The following DMXL1 variants were observed in gnomAD, a reference collection of about 807,000 sequenced individuals.
DMXL1 encodes the protein dmX-like protein 1.
DMXL1 carries 99 observed loss-of-function variants against 319.2 expected under a neutral mutation model. That is an observed-to-expected ratio of 0.31 (90% CI 0.26 to 0.37). DMXL1 has a LOEUF of 0.37. Among genes scored for constraint, DMXL1 ranks in the 10% least tolerant of loss-of-function variants. The probability of loss-of-function intolerance (pLI) is 1.00; values close to 1 mark genes in which losing one functional copy is unlikely to be tolerated. For missense variants in DMXL1, 3,745 were observed against 3,595.6 expected (o/e 1.04, Z -1.06); for synonymous variants, 1,385 against 1,235.2 (o/e 1.12, Z -2.54).
At chr5:119,145,990 A>G (rs766265855) in intron 15 of DMXL1, among the ~76,000 whole-genome samples, 1 of 151,698 alleles carries the variant, frequency 6.6e-6, no homozygotes, top group Admixed American at 6.6e-5. Flanking sequence ...TAATTTCTGT[A>G]TTTTGGATGC....
intron 34 of DMXL1, among the ~76,000 whole-genome samples, chr5:119,208,891 C>G (rs1224258372): frequency 2.6e-5 from 4 of 152,098 alleles, no homozygotes; most frequent in Non-Finnish European, 1.5e-5. Context: ...CAGGCAGCTA[C>G]CAAACTTTTT....
chr5:119,084,268 C>T (rs568525676), intron 1 of DMXL1, among the ~76,000 whole-genome samples: 1 of 152,110 alleles, frequency 6.6e-6, no homozygotes, highest in South Asian at 2.1e-4. Context: ...TACAGGTGCA[C>T]ACCATCATGC....
intron 7 of DMXL1, among the ~76,000 whole-genome samples, chr5:119,116,879 G>A (rs1760963738): frequency 6.6e-6 from 1 of 152,012 alleles, no homozygotes; most frequent in Non-Finnish European, 1.5e-5. Context: ...AAAGCACACA[G>A]TGACACACAC....
At chr5:119,126,384 A>G (rs186843488) in intron 9 of DMXL1, among the ~76,000 whole-genome samples, 12 of 152,232 alleles carry the variant, frequency 7.9e-5, no homozygotes, top group Admixed American at 3.3e-4. Flanking sequence ...CGTCATAGCA[A>G]TTTATCCTCA....
Position 119,240,454 on chromosome 5 carries a change from C to T in DMXL1, c.8687C>T (p.Ala2896Val), listed in dbSNP as rs547675916. 1 of 1,606,982 alleles carries T rather than the reference C, an allele frequency of 6.2e-7. No individual in the cohort carries two copies. The highest frequency in any genetic ancestry group is 8.5e-7 in the Non-Finnish European group (1 of 1,176,564). Residue 2896 changes from alanine to valine, a missense_variant, in exon 42 of 44, where the codon GCC becomes GTC. This residue lies in a region of DMXL1 where 262 missense variants were observed against 320.5 expected (regional missense o/e 0.82). Transcript: ENST00000539542. ...TTGTGGGATACTCTTGTAGCACCTG[C>T]CAATAGTTTAGTCCATGGTAAGTTT... ...VCLWDTLVAPANSLVHAFTCH... is the reference protein window; with the variant it reads ...VCLWDTLVAPVNSLVHAFTCH...
chr5:119,230,935 G>GA (rs1159755623), intron 38 of DMXL1, among the ~76,000 whole-genome samples: 3 of 152,106 alleles, frequency 2.0e-5, no homozygotes, highest in Non-Finnish European at 2.9e-5. Flanking sequence ...TTGTGTTTCT[G>GA]AAAATGGGAC....
In DMXL1 at chr5:119,221,970, C is replaced by T. The variant is rs17144990; in HGVS notation, c.8277+889C>T. On this transcript the variant is annotated intron_variant, in intron 37 of 43. Transcript: ENST00000539542. ...TACGTAGGTTATAGGAACTAATGAACGGATTTGAAGAAGCAAAGAAAGGTG... is the reference window on the plus strand; with the variant it reads ...TACGTAGGTTATAGGAACTAATGAATGGATTTGAAGAAGCAAAGAAAGGTG... Among the ~76,000 whole-genome samples the T allele has an allele frequency of 4.2e-3, 641 of 151,542 alleles. 4 individuals are homozygous for T. The highest frequency in any genetic ancestry group is 0.015 in the African/African-American group (599 of 41,304).
intron 22 of DMXL1, 148 bp from the exon 23 acceptor site, chr5:119,167,455 A>C (rs1236519616): frequency 1.5e-6 from 1 of 658,014 alleles, no homozygotes; most frequent in Admixed American, 3.4e-5. Flanking sequence ...TCTAAAAGCA[A>C]GCAGCATATG....
intron 18 of DMXL1, among the ~76,000 whole-genome samples, chr5:119,151,089 T>C (rs1465184607): frequency 6.6e-6 from 1 of 152,138 alleles, no homozygotes; most frequent in Admixed American, 6.6e-5. Flanking sequence ...CTGGGTTTTT[T>C]CCCCTCATTT....
intron 13 of DMXL1, among the ~76,000 whole-genome samples, chr5:119,135,125 C>G (rs193030957): frequency 1.7e-3 from 257 of 152,150 alleles, no homozygotes; most frequent in Non-Finnish European, 3.0e-3. Flanking sequence ...TTGCAGAACA[C>G]AAGGTTTTCC....
intron 19 of DMXL1, among the ~76,000 whole-genome samples, chr5:119,152,780 A>G (rs993389206): frequency 1.3e-5 from 2 of 152,182 alleles, no homozygotes; most frequent in African/African-American, 2.4e-5. Context: ...GACTTTCAGC[A>G]TTATTGGAAC....
At chr5:119,144,359 A>G (rs1336796801) in intron 14 of DMXL1, among the ~76,000 whole-genome samples, 177 bp from the exon 15 acceptor site, 1 of 151,824 alleles carries the variant, frequency 6.6e-6, no homozygotes, top group Non-Finnish European at 1.5e-5. Flanking sequence ...ATCTTGACCT[A>G]AATTTTTATA....
chr5:119,146,277 T>G (rs1768512005), intron 15 of DMXL1, among the ~76,000 whole-genome samples: 2 of 151,912 alleles, frequency 1.3e-5, no homozygotes, highest in South Asian at 4.1e-4. Context: ...TTAAAAAGGT[T>G]TTTCAGGCAA....
rs745762849 is a variant in DMXL1, at chr5:119,189,747, G to A, written c.7175G>A (p.Arg2392His). 38 of 1,613,962 alleles carry A rather than the reference G, an allele frequency of 2.4e-5. No individual in the cohort carries two copies. The highest frequency in any genetic ancestry group is 2.8e-5 in the Non-Finnish European group (33 of 1,179,926). ...GAAGAAGGAGAAAAACAGAACAAACGTTTTAGGCCGTCAAAAATGTCTTGC... is the reference window on the plus strand; with the variant it reads ...GAAGAAGGAGAAAAACAGAACAAACATTTTAGGCCGTCAAAAATGTCTTGC... ...LVEEGEKQNK[R>H]FRPSKMSCRE... Residue 2392 changes from arginine to histidine, a missense_variant, in exon 29 of 44, where the codon CGT becomes CAT. Arg to His is a conservative substitution (Grantham distance 29, BLOSUM62 0). Coordinates refer to ENST00000539542, the MANE Select transcript of DMXL1 (RefSeq NM_001290321.3).
chr5:119,079,204 T>C (rs1751649599), intron 1 of DMXL1, among the ~76,000 whole-genome samples: 1 of 152,182 alleles, frequency 6.6e-6, no homozygotes, highest in Admixed American at 6.5e-5. Flanking sequence ...TCATATAAAC[T>C]TGCCACCTGG....
intron 1 of DMXL1, among the ~76,000 whole-genome samples, chr5:119,096,755 G>A (rs1027482122): frequency 2.0e-5 from 3 of 152,164 alleles, no homozygotes; most frequent in Non-Finnish European, 4.4e-5. Context: ...AAAGAGCTAT[G>A]AAATGCTTGG....
chr5:119,178,135 G>C lies in DMXL1; in HGVS notation c.7026G>C (p.Glu2342Asp), dbSNP rs758754554. ...IHGLATHSSNELFRIVAHPLN... is the reference protein window; with the variant it reads ...IHGLATHSSNDLFRIVAHPLN... The stretch of plus-strand genomic sequence containing the variant: ...GCCTGGCCACACATTCAAGTAATGA[G>C]CTATTTCGGATTGTGGCCCATCCTC... Residue 2342 changes from glutamate (E) to aspartate (D), a missense_variant, in exon 28 of 44, where the codon GAG becomes GAC. Physicochemically the swap from Glu to Asp is conservative, Grantham distance 45. This residue lies in a region of DMXL1 where 1,382 missense variants were observed against 1,269.5 expected (regional missense o/e 1.09). Coordinates refer to ENST00000539542, the MANE Select transcript of DMXL1 (RefSeq NM_001290321.3). 3.1e-6 allele frequency: 5 copies of C among 1,613,976 alleles called. No homozygotes were observed. In the Admixed American group the frequency reaches 5.0e-5, roughly 16 times the overall value.
chr5:119,180,688 T>A (rs1046596592), intron 28 of DMXL1, among the ~76,000 whole-genome samples: 3 of 152,200 alleles, frequency 2.0e-5, no homozygotes, highest in African/African-American at 7.2e-5. Context: ...AAGACTAATT[T>A]CACATGAAAT....
chr5:119,220,375 G>C (rs1784449063), intron 35 of DMXL1, 97 bp from the exon 36 acceptor site: 1 of 1,100,384 alleles, frequency 9.1e-7, no homozygotes, highest in Admixed American at 2.2e-5. Flanking sequence ...AGTTATCACT[G>C]CTAGAGGTTA....
Sources: gnomAD v4.1 joint callset for allele counts (sites outside exome capture counted in the v4.1 genomes callset) on GRCh38, gnomAD v4.1.1 for gene constraint, gnomAD v4.1.1 regional missense constraint, MANE v1.5 for transcripts, NCBI Gene and HGNC (gene_info 2026-07-23, HGNC 2026-07-21) for gene names.